Variants in DCC observed in about 807,000 individuals in gnomAD.
The protein encoded by DCC is netrin receptor DCC.
A neutral mutation model predicts 172.5 loss-of-function variants in DCC; 58 were observed. That is an observed-to-expected ratio of 0.34 (90% CI 0.27 to 0.42). The LOEUF (loss-of-function observed/expected upper bound fraction) is 0.42. Ranked by LOEUF, DCC falls within the 10% of genes least tolerant of loss-of-function variation. The pLI, the probability that DCC is intolerant of heterozygous loss-of-function variation, is 1.00. For missense variants in DCC, 1,740 were observed against 1,791.0 expected (o/e 0.97, Z 0.51); for synonymous variants, 709 against 644.5 (o/e 1.10, Z -1.52).
intron 22 of DCC, among the ~76,000 whole-genome samples, chr18:53,444,547 A>G (rs1912479763): frequency 1.3e-5 from 2 of 152,178 alleles, no homozygotes; most frequent in South Asian, 2.1e-4. Context: ...CCCACCCTTC[A>G]GCAATTCCCA....
chr18:53,046,459 G>T (rs761091359), intron 5 of DCC, among the ~76,000 whole-genome samples: 4 of 140,546 alleles, frequency 2.8e-5, no homozygotes, highest in Non-Finnish European at 6.1e-5. Flanking sequence ...TTCCATGTTA[G>T]ACTCAGAATT....
chr18:53,042,486 C>T lies in DCC; in HGVS notation c.986-20819C>T, dbSNP rs549145977. Among the ~76,000 whole-genome samples, 6 of 151,954 alleles carry T rather than the reference C, an allele frequency of 3.9e-5. No individual in the cohort carries two copies. In the East Asian group the frequency reaches 5.8e-4, roughly 15 times the overall value. ...ATTTTCTCTTTTTGTTGTATCTCTG[C>T]CAGGTTTTGGTATCAGGATGATGCT... On this transcript the variant is annotated intron_variant, in intron 5 of 28. Transcript: ENST00000442544.
chr18:53,037,096 C>T (rs1193154532), intron 5 of DCC, among the ~76,000 whole-genome samples: 1 of 151,932 alleles, frequency 6.6e-6, no homozygotes, highest in African/African-American at 2.4e-5. Flanking sequence ...ACGGGGACAT[C>T]AGGAAAGACC....
At chr18:53,313,051 A>AAAGGGAAGAAGGGG (rs2057299710) in intron 13 of DCC, among the ~76,000 whole-genome samples, 1 of 22,772 alleles carries the variant, frequency 4.4e-5, no homozygotes, top group Non-Finnish European at 2.5e-4. Flanking sequence ...GGAAGAAGGG[A>AAAGGGAAGAAGGGG]GGGAAGGAAA....
At chr18:52,804,828 C>G (rs944527924) in intron 2 of DCC, among the ~76,000 whole-genome samples, 2 of 152,290 alleles carry the variant, frequency 1.3e-5, no homozygotes, top group East Asian at 3.9e-4. Context: ...ATGATCCACC[C>G]ACCTTGGCCT....
intron 15 of DCC, among the ~76,000 whole-genome samples, chr18:53,379,107 A>T (rs768139898): frequency 3.3e-5 from 5 of 152,250 alleles, no homozygotes; most frequent in Non-Finnish European, 5.9e-5. Flanking sequence ...AAAGGTGTTC[A>T]GTAACATTTA....
At chr18:52,818,984 C>G (rs917327296) in intron 2 of DCC, among the ~76,000 whole-genome samples, 2 of 152,138 alleles carry the variant, frequency 1.3e-5, no homozygotes, top group Admixed American at 1.3e-4. Flanking sequence ...TGTGACTTAA[C>G]ACTACGGAGT....
rs1451322029 is a variant in DCC at position 53,530,460 on chromosome 18, C to A, written c.4255-104C>A. ...CAGCCCTGGCTGTGGTCTCCTAGGT[C>A]AGACTTGGGAATACGTAGCACCCCA... On this transcript the variant is annotated intron_variant, in intron 28 of 28. Coordinates refer to ENST00000442544, the MANE Select transcript of DCC (RefSeq NM_005215.4). The A allele has an allele frequency of 9.0e-6, 7 of 774,616 alleles. No individual in the cohort carries two copies. The East Asian group carries it at 1.7e-4, about 19-fold the overall frequency. 48.0% of individuals were successfully genotyped at this position (774,616 alleles called of 1,614,324 possible). A position where few individuals can be genotyped will look rare whatever the true frequency, so the allele number is the denominator to read the frequency against.
intron 5 of DCC, among the ~76,000 whole-genome samples, chr18:52,956,362 T>C (rs1355251052): frequency 6.6e-6 from 1 of 152,086 alleles, no homozygotes; most frequent in African/African-American, 2.4e-5. Context: ...CAATGATCAA[T>C]TGACTACATT....
chr18:52,651,699 T>C (rs147658399), intron 1 of DCC, among the ~76,000 whole-genome samples: 224 of 152,236 alleles, frequency 1.5e-3, no homozygotes, highest in African/African-American at 5.1e-3. Flanking sequence ...GATGAATATA[T>C]TCATTTCAAC....
In DCC at chr18:53,111,766, C is replaced by G. The variant is rs914257643; in HGVS notation, c.1262-45590C>G. On this transcript the variant is annotated intron_variant, in intron 7 of 28. Transcript: ENST00000442544. ...AATCCTGTTGGAATTAATTGAATAA[C>G]TGCATATGCAATAGAACCTCTAAGT... Among the ~76,000 whole-genome samples the G allele has an allele frequency of 4.0e-5, 6 of 151,786 alleles. No individual in the cohort carries two copies. In the East Asian group the frequency reaches 1.2e-3, roughly 30 times the overall value.
chr18:52,482,499 G>A (rs1259956265), intron 1 of DCC, among the ~76,000 whole-genome samples: 1 of 152,132 alleles, frequency 6.6e-6, no homozygotes, highest in African/African-American at 2.4e-5. Context: ...CAAAGTGCTG[G>A]CAGATGCAGT....
intron 1 of DCC, among the ~76,000 whole-genome samples, chr18:52,576,495 A>T (rs1368271848): frequency 6.6e-6 from 1 of 152,170 alleles, no homozygotes. Flanking sequence ...TGCTTCCTCC[A>T]ACCTCATGTT....
chr18:52,859,353 T>G (rs1251156440), intron 2 of DCC, among the ~76,000 whole-genome samples: 1 of 152,036 alleles, frequency 6.6e-6, no homozygotes, highest in Non-Finnish European at 1.5e-5. Context: ...AAAAAGAAGA[T>G]TCATTGAAAA....
chr18:53,185,750 C>G (rs1010910506), intron 9 of DCC, among the ~76,000 whole-genome samples: 3 of 152,154 alleles, frequency 2.0e-5, no homozygotes, highest in African/African-American at 7.2e-5. Flanking sequence ...TTTCAAGGAA[C>G]TGGTAGTCTA....
At chr18:53,017,348 C>T (rs2041823155) in intron 5 of DCC, among the ~76,000 whole-genome samples, 1 of 152,046 alleles carries the variant, frequency 6.6e-6, no homozygotes, top group Non-Finnish European at 1.5e-5. Flanking sequence ...AATTAATATG[C>T]CACTAGTCAT....
chr18:52,589,996 CTT>C (rs796786163), intron 1 of DCC, among the ~76,000 whole-genome samples: 5 of 152,152 alleles, frequency 3.3e-5, no homozygotes, highest in African/African-American at 1.2e-4. Flanking sequence ...AAAATCTATG[CTT>C]TTTTTTAAAA....
chr18:53,062,519 C>A (rs2042510385), intron 5 of DCC, among the ~76,000 whole-genome samples: 1 of 152,056 alleles, frequency 6.6e-6, no homozygotes, highest in Non-Finnish European at 1.5e-5. Context: ...TAAGTTTCCC[C>A]ACAGAAGAGA....
chr18:52,848,382 C>T (rs758919016), intron 2 of DCC, among the ~76,000 whole-genome samples: 21 of 152,128 alleles, frequency 1.4e-4, no homozygotes, highest in African/African-American at 1.9e-4. Flanking sequence ...CTACCATGCC[C>T]GGCCGACTTT....
Sources: allele counts gnomAD v4.1 joint callset (sites outside exome capture counted in the v4.1 genomes callset), GRCh38; gene constraint gnomAD v4.1.1; transcripts MANE v1.5; gene names NCBI Gene and HGNC (gene_info 2026-07-23, HGNC 2026-07-21).